PIGU: variants seen among roughly 807,000 people sequenced by gnomAD.
PIGU encodes the protein phosphatidylinositol glycan anchor biosynthesis class U, also known as GPI-anchor transamidase component PIGU.
A neutral mutation model predicts 49.9 loss-of-function variants in PIGU; 24 were observed. The ratio of observed to expected loss-of-function variants is 0.48; its 90% CI spans 0.35 to 0.68. PIGU has a LOEUF of 0.68. Among genes scored for constraint, PIGU ranks in the 30% least tolerant of loss-of-function variants. The pLI is 0.01. For synonymous variants in PIGU, 220 were observed against 205.7 expected (o/e 1.07, Z -0.59); for missense variants, 490 against 532.6 (o/e 0.92, Z 0.79).
intron 10 of PIGU, chr20:34,579,302 A>G (rs1030141967): frequency 6.6e-6 from 1 of 152,062 alleles, no homozygotes; most frequent in African/African-American, 2.4e-5. Context: ...TAACACCACA[A>G]TTGTGCGTCT....
At chr20:34,574,614 C>T (rs1406455931) in intron 11 of PIGU, among the ~76,000 whole-genome samples, 1 of 152,150 alleles carries the variant, frequency 6.6e-6, no homozygotes, top group Non-Finnish European at 1.5e-5. Context: ...TTCTCCTCTG[C>T]CTGCCTTTGT....
chr20:34,570,630 G>A (rs1982969117), intron 11 of PIGU, among the ~76,000 whole-genome samples: 1 of 152,128 alleles, frequency 6.6e-6, no homozygotes, highest in Non-Finnish European at 1.5e-5. Flanking sequence ...AGCCAGGATG[G>A]TCTTGATCTC....
intron 1 of PIGU, among the ~76,000 whole-genome samples, chr20:34,668,393 TGGAGGTTGCAGTGAGCCGAGATCTCGC>T (rs1568667838): frequency 1.7e-4 from 17 of 102,136 alleles, no homozygotes; most frequent in Non-Finnish European, 3.0e-4. Context: ...ATCTGGGAGG[TGGAGGTTGCAGTGAGCCGAGATCTCGC>T]CACTGCACTC....
At chr20:34,641,735 C>A (rs1986171190) in intron 4 of PIGU, among the ~76,000 whole-genome samples, 1 of 152,018 alleles carries the variant, frequency 6.6e-6, no homozygotes, top group African/African-American at 2.4e-5. Context: ...GCGATATGAA[C>A]CCTTCTGACA....
At chr20:34,648,021 G>T (rs1311523531) in intron 2 of PIGU, among the ~76,000 whole-genome samples, 2 of 152,092 alleles carry the variant, frequency 1.3e-5, no homozygotes, top group African/African-American at 4.8e-5. Context: ...GGGCTGAGGT[G>T]GGAGGATCAC....
intron 1 of PIGU, among the ~76,000 whole-genome samples, chr20:34,665,829 A>T (rs1987073514): frequency 6.6e-6 from 1 of 152,138 alleles, no homozygotes; most frequent in Non-Finnish European, 1.5e-5. Flanking sequence ...AAGAGTACCA[A>T]CATCCTCTTT....
At position 34,589,017 on chromosome 20, in the gene PIGU, GGTTA is replaced by G. The variant is rs574392734; in HGVS notation, c.628-414_628-411del. Among the ~76,000 whole-genome samples the G allele has an allele frequency of 3.3e-3, 505 of 151,930 alleles. 1 individual carries two copies. Among genetic ancestry groups the G allele is most frequent in the African/African-American group, 0.011 (475 of 41,398 alleles). The stretch of plus-strand genomic sequence containing the variant: ...ACATGGCTAGATCTAAAAAATATGA[GGTTA>G]GTTATAATAGAAAATTGCTAAACAA... On this transcript the variant is annotated intron_variant, in intron 7 of 11. Transcript: ENST00000217446.
At position 34,589,705 on chromosome 20, in the gene PIGU, G is replaced by C. The variant is rs540159066; in HGVS notation, c.628-1098C>G. On this transcript the variant is annotated intron_variant, in intron 7 of 11. Transcript: ENST00000217446. ...AGAGTTTCGCTCGTTGCCCTGGCTG[G>C]AGTGCTACGGCGTGATCTCGGCTCA... Among the ~76,000 whole-genome samples, 4 of 136,856 alleles carry C rather than the reference G, an allele frequency of 2.9e-5. No individual in the cohort carries two copies. The South Asian group carries it at 9.4e-4, about 32-fold the overall frequency. 89.8% of individuals were successfully genotyped at this position (136,856 alleles called of 152,430 possible).
At chr20:34,628,532 T>TA (rs1985581534) in intron 6 of PIGU, among the ~76,000 whole-genome samples, 1 of 152,130 alleles carries the variant, frequency 6.6e-6, no homozygotes, top group Non-Finnish European at 1.5e-5. Context: ...TCTATATTCA[T>TA]AAAATGAATA....
At chr20:34,566,213 T>A (rs1342757571) in intron 11 of PIGU, among the ~76,000 whole-genome samples, 1 of 152,230 alleles carries the variant, frequency 6.6e-6, no homozygotes. Context: ...GAGTCTTCTC[T>A]AACCCTGCAT....
chr20:34,670,027 G>A (rs1367512744), intron 1 of PIGU, among the ~76,000 whole-genome samples: 1 of 152,182 alleles, frequency 6.6e-6, no homozygotes, highest in Non-Finnish European at 1.5e-5. Flanking sequence ...AGTTACTTAT[G>A]AAAAGAGTGA....
intron 2 of PIGU, among the ~76,000 whole-genome samples, chr20:34,648,343 G>C (rs1600658911): frequency 6.6e-6 from 1 of 151,204 alleles, no homozygotes; most frequent in East Asian, 1.9e-4. Context: ...GTTCTATGTA[G>C]AATTACTATA....
chr20:34,645,655 G>A (rs1425724271), intron 2 of PIGU, among the ~76,000 whole-genome samples: 4 of 152,140 alleles, frequency 2.6e-5, no homozygotes, highest in African/African-American at 9.7e-5. Flanking sequence ...CAGCACTTTG[G>A]GAGGCTGAGG....
Position 34,616,075 on chromosome 20 carries a change from G to C in PIGU, c.594C>G (p.Thr198=). The C allele has an allele frequency of 6.2e-7, 1 of 1,612,778 alleles. No homozygotes were observed. The highest frequency in any genetic ancestry group is 1.3e-5 in the African/African-American group (1 of 74,936). ...LATYQSLYPL[T]LFVPGLLYLL... ...GATAGAGGAGTCCTGGGACAAACAA[G>C]GTGAGTGGGTACAGAGACTGGTATG... Residue 198 remains threonine, a synonymous_variant, in exon 7 of 12, where the codon ACC becomes ACG. Coordinates refer to ENST00000217446, the MANE Select transcript of PIGU (RefSeq NM_080476.5).
chr20:34,585,699 TAG>T, intron 8 of PIGU, 119 bp from the exon 9 acceptor site: 1 of 1,156,546 alleles, frequency 8.6e-7, no homozygotes, highest in Non-Finnish European at 1.2e-6. Context: ...ACTTTCTCCC[TAG>T]AGAGATCAGG....
chr20:34,643,800 CA>C (rs749414414), intron 4 of PIGU: 1,974 of 45,138 alleles, frequency 0.044, 13 homozygotes, highest in African/African-American at 0.11. Flanking sequence ...TCTTCCTATG[CA>C]AAAAAAAAAA....
intron 6 of PIGU, among the ~76,000 whole-genome samples, chr20:34,620,184 A>C (rs1985152624): frequency 6.6e-6 from 1 of 152,158 alleles, no homozygotes; most frequent in Non-Finnish European, 1.5e-5. Context: ...CTCCAACAGC[A>C]AACAAGACCC....
intron 7 of PIGU, among the ~76,000 whole-genome samples, chr20:34,599,429 G>A (rs910549447): frequency 4.6e-5 from 7 of 152,040 alleles, no homozygotes; most frequent in African/African-American, 1.7e-4. Context: ...CTCCAGCCTG[G>A]GCAACAGAGA....
intron 2 of PIGU, among the ~76,000 whole-genome samples, chr20:34,651,407 G>A (rs1262754740): frequency 1.3e-5 from 2 of 152,182 alleles, no homozygotes; most frequent in Non-Finnish European, 2.9e-5. Flanking sequence ...ATTGGTAAAT[G>A]CTTCAAGGAC....
Sources: gnomAD v4.1 joint callset for allele counts (sites outside exome capture counted in the v4.1 genomes callset) on GRCh38, gnomAD v4.1.1 for gene constraint, MANE v1.5 for transcripts, NCBI Gene and HGNC (gene_info 2026-07-23, HGNC 2026-07-21) for gene names.